Variants in ERV3-1 observed in about 807,000 individuals in gnomAD.
ERV3-1 encodes endogenous retrovirus group 3 member 1 Env polyprotein.
Under a neutral mutation model 24.6 loss-of-function variants are expected in ERV3-1, and 36 were observed. That is an observed-to-expected ratio of 1.47 (90% CI 1.12 to 1.94). ERV3-1 has a LOEUF of 1.94. ERV3-1 is among the 30% of genes most tolerant of loss of function. The pLI, the probability that ERV3-1 is intolerant of heterozygous loss-of-function variation, is 0.00. For missense variants in ERV3-1, 578 were observed against 330.9 expected, an observed-to-expected ratio of 1.75 and a Z score of -5.79; for synonymous variants, 211 against 122.6, an observed-to-expected ratio of 1.72 and a Z score of -4.76.
At chr7:65,003,014 C>T (rs1045810088) in intron 1 of ERV3-1, among the ~76,000 whole-genome samples, 3 of 152,200 alleles carry the variant, frequency 2.0e-5, no homozygotes, top group Admixed American at 2.0e-4. Context: ...ACAATTTCAT[C>T]TGCAGTAAGA....
At chr7:65,004,868 A>ATTTTTTTT (rs56371820) in intron 1 of ERV3-1, 67 of 107,688 alleles carry the variant, frequency 6.2e-4, no homozygotes, top group African/African-American at 1.4e-3. Flanking sequence ...GCCAGGTTTG[A>ATTTTTTTT]TTTTTTTTTT....
chr7:64,995,959 G>A (rs77940633), intron 1 of ERV3-1, among the ~76,000 whole-genome samples: 2,053 of 152,324 alleles, frequency 0.013, 27 homozygotes, highest in Admixed American at 0.041. Context: ...CAGGCGAGCT[G>A]TCCCCCTGTG....
chr7:65,002,223 T>C (rs933823245), intron 1 of ERV3-1, among the ~76,000 whole-genome samples: 1 of 152,244 alleles, frequency 6.6e-6, no homozygotes, highest in African/African-American at 2.4e-5. Flanking sequence ...TGGTGCTCTC[T>C]TGTCTGACTT....
chr7:65,000,336 C>T (rs1375464668), intron 1 of ERV3-1, among the ~76,000 whole-genome samples: 3 of 152,118 alleles, frequency 2.0e-5, no homozygotes, highest in African/African-American at 7.2e-5. Context: ...CATTCTCCTG[C>T]CTCAGCCTCC....
intron 1 of ERV3-1, among the ~76,000 whole-genome samples, chr7:65,001,077 T>C (rs1786509953): frequency 6.6e-6 from 1 of 151,906 alleles, no homozygotes; most frequent in Admixed American, 6.6e-5. Context: ...AAAGAATACC[T>C]GTTTGGTGCT....
chr7:64,994,858 C>T (rs777159426), intron 1 of ERV3-1, among the ~76,000 whole-genome samples: 30 of 152,256 alleles, frequency 2.0e-4, no homozygotes, highest in Admixed American at 9.2e-4. Flanking sequence ...GGCTACGCCT[C>T]CACCACTGAG....
rs140714007 is a variant in ERV3-1, at chr7:64,991,984, C to G, written c.1043G>C (p.Arg348Pro). 1.3e-6 allele frequency: 1 copy of G among 766,352 alleles called. No homozygotes were observed. The highest frequency in any genetic ancestry group is 2.4e-6 in the Non-Finnish European group (1 of 417,890). The allele number at this position is 766,352 out of a possible 1,614,324, so 47.5% of individuals were successfully genotyped here. A position where few individuals can be genotyped will look rare whatever the true frequency, so the allele number is the denominator to read the frequency against. ...TGGGTCTGTAAAGGCCTTTCCCCAG[C>G]GAGCAATACAGAATTTTCCAATAAT... ...TSIIGKFCIA[R>P]WGKAFTDPVG... The change falls in exon 2 of 2, where the codon CGC becomes CCC. Residue 348 changes from arginine to proline, a missense_variant. By Grantham distance (103) the Arg-to-Pro change is moderately radical. Transcript: ENST00000394323.
At position 65,006,620 on chromosome 7, in the gene ERV3-1, G is replaced by A. The variant is rs373363226; in HGVS notation, c.-468C>T. On this transcript the variant is annotated 5_prime_UTR_variant, in exon 1 of 2. Transcript: ENST00000394323. ...TGCAGGTAACGAGGCCACAGAAGCT[G>A]GGCCTCTAGGAGCAGAAGACACAGA... The A allele has an allele frequency of 3.6e-5, 56 of 1,551,302 alleles. 1 individual carries two copies. The African/African-American group carries it at 4.5e-4, about 12-fold the overall frequency.
At chr7:64,995,149 T>A (rs1458499111) in intron 1 of ERV3-1, among the ~76,000 whole-genome samples, 1 of 152,250 alleles carries the variant, frequency 6.6e-6, no homozygotes, top group Non-Finnish European at 1.5e-5. Flanking sequence ...TGATAACCAA[T>A]GCTGCTCTCT....
At chr7:65,006,341 G>C in intron 1 of ERV3-1, 200 bp downstream of exon 1, 1 of 842,572 alleles carries the variant, frequency 1.2e-6, no homozygotes, top group South Asian at 1.6e-5. Flanking sequence ...GGAGGAGACA[G>C]GATGCCCGGG....
intron 1 of ERV3-1, among the ~76,000 whole-genome samples, chr7:64,999,198 G>A (rs1004069933): frequency 2.6e-5 from 4 of 152,130 alleles, no homozygotes; most frequent in Non-Finnish European, 5.9e-5. Flanking sequence ...AGGGGCGCCG[G>A]GTCATGGGAG....
intron 1 of ERV3-1, among the ~76,000 whole-genome samples, chr7:64,999,865 G>A (rs945751728): frequency 6.6e-6 from 1 of 152,140 alleles, no homozygotes; most frequent in Admixed American, 6.5e-5. Context: ...CAGGACTTTG[G>A]AGTGAGTCAG....
intron 1 of ERV3-1, among the ~76,000 whole-genome samples, chr7:64,997,255 T>C (rs1786423650): frequency 6.6e-6 from 1 of 152,186 alleles, no homozygotes; most frequent in Non-Finnish European, 1.5e-5. Context: ...CTGGTTACGG[T>C]TAACATACAC....
At chr7:65,004,989 C>G (rs1786611765) in intron 1 of ERV3-1, 1 of 151,706 alleles carries the variant, frequency 6.6e-6, no homozygotes, top group South Asian at 2.1e-4. Flanking sequence ...ATTGGCTGAC[C>G]AGCAATGTGT....
intron 1 of ERV3-1, chr7:65,003,699 G>T (rs1786571431): frequency 1.3e-5 from 2 of 152,040 alleles, no homozygotes; most frequent in Admixed American, 1.3e-4. Flanking sequence ...AAATACAAAA[G>T]CATTTATTCC....
In ERV3-1 at chr7:64,991,431, G is replaced by C; in HGVS notation, c.1596C>G (p.Ala532=). 1.4e-6 allele frequency: 1 copy of C among 703,948 alleles called. No homozygotes were observed. Among genetic ancestry groups the C allele is most frequent in the Non-Finnish European group, 2.6e-6 (1 of 384,916 alleles). The allele number at this position is 703,948 out of a possible 1,614,324, so 43.6% of individuals were successfully genotyped here. The stretch of plus-strand genomic sequence containing the variant: ...TGGCTTGCTGGGCAAGCAGATTCAA[G>C]GCCCCTGCAGTTTCATTGGTAATGA... ...LEIITNETAG[A]LNLLAQQATK... Residue 532 remains alanine (A), a synonymous_variant, in exon 2 of 2, where the codon GCC becomes GCG. Transcript: ENST00000394323.
In ERV3-1 at chr7:65,002,519, G is replaced by A. The variant is rs564943120; in HGVS notation, c.-389+4022C>T. Among the ~76,000 whole-genome samples, 23 of 152,160 alleles carry A rather than the reference G, an allele frequency of 1.5e-4. No individual in the cohort carries two copies. The East Asian group carries it at 4.1e-3, about 27-fold the overall frequency. On this transcript the variant is annotated intron_variant, in intron 1 of 1. Transcript: ENST00000394323. ...TTATATTTTTTTTTAGTAGAGATGG[G>A]GTTTCGTCATGTTGGCCAGGCTGGT...
chr7:65,006,686 A>G lies in ERV3-1; in HGVS notation c.-534T>C, dbSNP rs775990922. 4.0e-5 allele frequency: 58 copies of G among 1,450,208 alleles called. No homozygotes were observed. The highest frequency in any genetic ancestry group is 5.5e-5 in the Non-Finnish European group (57 of 1,040,016). The allele number at this position is 1,450,208 out of a possible 1,614,324, so 89.8% of individuals were successfully genotyped here. ...CCAGAAGCTCCGGCTGCCGCCAGAG[A>G]CAAAGGCCCCACCAAACCCGGAAGC... On this transcript the variant is annotated 5_prime_UTR_variant, in exon 1 of 2. Transcript: ENST00000394323.
chr7:64,997,481 G>A (rs987872013), intron 1 of ERV3-1, among the ~76,000 whole-genome samples: 6 of 152,188 alleles, frequency 3.9e-5, no homozygotes, highest in Admixed American at 3.3e-4. Context: ...GTCTCCTGCA[G>A]CACTTCCAAG....
Sources: allele counts gnomAD v4.1 joint callset (sites outside exome capture counted in the v4.1 genomes callset), GRCh38; gene constraint gnomAD v4.1.1; transcripts MANE v1.5; gene names NCBI Gene and HGNC (gene_info 2026-07-23, HGNC 2026-07-21).